The following TFCP2 variants were observed in gnomAD, a reference collection of about 807,000 sequenced individuals.
TFCP2 encodes the protein alpha-globin transcription factor CP2.
Under a neutral mutation model 73.4 loss-of-function variants are expected in TFCP2, and 33 were observed. The observed-to-expected ratio is 0.45, with a 90% confidence interval of 0.34 to 0.60. The LOEUF (loss-of-function observed/expected upper bound fraction) is 0.60. Among genes scored for constraint, TFCP2 ranks in the 20% least tolerant of loss-of-function variants. TFCP2 has a pLI of 0.01. For missense variants in TFCP2, 352 were observed against 604.0 expected, an observed-to-expected ratio of 0.58 and a Z score of 4.37; for synonymous variants, 193 against 211.6, an observed-to-expected ratio of 0.91 and a Z score of 0.76.
chr12:51,117,644 T>C (rs1273430299), intron 3 of TFCP2, 27 bp downstream of exon 3: 2 of 1,563,580 alleles, frequency 1.3e-6, no homozygotes, highest in African/African-American at 2.7e-5. Flanking sequence ...AAAAATATTG[T>C]ACAGAAGAAT....
chr12:51,164,596 C>T (rs80030162), intron 1 of TFCP2, among the ~76,000 whole-genome samples: 14 of 96,862 alleles, frequency 1.4e-4, no homozygotes, highest in Admixed American at 8.2e-4. Flanking sequence ...GACTCCATCT[C>T]GAAAAAAAAA....
At chr12:51,147,426 A>G (rs1332208787) in intron 1 of TFCP2, among the ~76,000 whole-genome samples, 1 of 152,124 alleles carries the variant, frequency 6.6e-6, no homozygotes, top group Non-Finnish European at 1.5e-5. Flanking sequence ...TCCCAAGTTT[A>G]TTCTGTTAGG....
intron 8 of TFCP2, among the ~76,000 whole-genome samples, chr12:51,105,273 T>C (rs1940204667): frequency 2.0e-5 from 3 of 152,006 alleles, no homozygotes; most frequent in Admixed American, 6.6e-5. Flanking sequence ...TTTTTATTTT[T>C]AGTAGAGACG....
chr12:51,125,224 C>T, intron 1 of TFCP2: 1 of 615,412 alleles, frequency 1.6e-6, no homozygotes, highest in Non-Finnish European at 3.1e-6. Flanking sequence ...TAATTGGTTT[C>T]TGTACCCATG....
chr12:51,156,487 C>T (rs1941540079), intron 1 of TFCP2, among the ~76,000 whole-genome samples: 4 of 152,166 alleles, frequency 2.6e-5, no homozygotes, highest in Admixed American at 1.3e-4. Context: ...AGGCCCCACC[C>T]ACCTCCAACA....
chr12:51,100,530 A>G (rs1225230951), intron 11 of TFCP2, among the ~76,000 whole-genome samples: 1 of 152,212 alleles, frequency 6.6e-6, no homozygotes, highest in South Asian at 2.1e-4. Flanking sequence ...ACAAAAACAA[A>G]TATGACCAGG....
chr12:51,172,271 AGGTGTAG>A (rs1358509913), intron 1 of TFCP2, 23 bp downstream of exon 1: 1 of 1,611,852 alleles, frequency 6.2e-7, no homozygotes, highest in Non-Finnish European at 8.5e-7. Flanking sequence ...GTTATTCAGA[AGGTGTAG>A]GGTCTGGGAA....
intron 1 of TFCP2, among the ~76,000 whole-genome samples, chr12:51,136,376 T>C (rs1014831206): frequency 1.3e-5 from 2 of 152,022 alleles, no homozygotes; most frequent in Admixed American, 1.3e-4. Flanking sequence ...TAAATTTCTA[T>C]CTCTTCACAG....
chr12:51,131,828 TCTTTC>T (rs1451161340), intron 1 of TFCP2, among the ~76,000 whole-genome samples: 1 of 152,166 alleles, frequency 6.6e-6, no homozygotes, highest in Non-Finnish European at 1.5e-5. Context: ...TTATTTTCCT[TCTTTC>T]CTCTCCTTTT....
At chr12:51,124,012 G>A (rs1940742425) in intron 1 of TFCP2, among the ~76,000 whole-genome samples, 1 of 152,164 alleles carries the variant, frequency 6.6e-6, no homozygotes, top group East Asian at 1.9e-4. Context: ...TCTTCAAACA[G>A]CATGATAATG....
At chr12:51,106,940 C>A in intron 7 of TFCP2, 1 of 521,254 alleles carries the variant, frequency 1.9e-6, no homozygotes, top group African/African-American at 2.0e-5. Flanking sequence ...AAACTGAATT[C>A]TATTTGGGCA....
At chr12:51,118,327 G>C (rs183010449) in intron 2 of TFCP2, among the ~76,000 whole-genome samples, 205 of 152,326 alleles carry the variant, frequency 1.3e-3, no homozygotes, top group Middle Eastern at 6.8e-3. Context: ...GGCCAAGGCA[G>C]GCGGATCATG....
chr12:51,128,493 C>CA (rs869086317), intron 1 of TFCP2, among the ~76,000 whole-genome samples: 3 of 133,666 alleles, frequency 2.2e-5, no homozygotes, highest in African/African-American at 8.7e-5. Context: ...AAAAAAAAAA[C>CA]AAAAAAAACA....
At chr12:51,140,445 C>CTTTTTTTTTTTTT (rs768526922) in intron 1 of TFCP2, among the ~76,000 whole-genome samples, 71 of 88,028 alleles carry the variant, frequency 8.1e-4, no homozygotes, top group Non-Finnish European at 1.1e-3. Context: ...TTTTCTTTTT[C>CTTTTTTTTTTTTT]TTTTTTTTTT....
At position 51,119,421 on chromosome 12, in the gene TFCP2, A is replaced by T. The variant is rs370616788; in HGVS notation, c.123-649T>A. ...GTCAGTAGCAATGTACAATGACATA[A>T]AACAGTTTAGGAAAAGGTTTGGCAG... On this transcript the variant is annotated intron_variant, in intron 1 of 14. Transcript: ENST00000257915. 6.6e-5 allele frequency among the ~76,000 whole-genome samples: 10 copies of T among 152,240 alleles called. No homozygotes were observed. In the East Asian group the frequency reaches 7.7e-4, roughly 12 times the overall value.
At chr12:51,101,130 T>C (rs898413442) in intron 11 of TFCP2, among the ~76,000 whole-genome samples, 1 of 151,946 alleles carries the variant, frequency 6.6e-6, no homozygotes, top group Non-Finnish European at 1.5e-5. Flanking sequence ...GGTGAAACCC[T>C]GTCTCTACTA....
chr12:51,099,559 C>G, intron 12 of TFCP2, 96 bp downstream of exon 12: 1 of 1,453,952 alleles, frequency 6.9e-7, no homozygotes, highest in Non-Finnish European at 9.5e-7. Flanking sequence ...CTAGCAAATA[C>G]TAAATCTGCT....
At chr12:51,096,688 T>C (rs1236121595) in intron 13 of TFCP2, among the ~76,000 whole-genome samples, 1 of 152,232 alleles carries the variant, frequency 6.6e-6, no homozygotes, top group African/African-American at 2.4e-5. Flanking sequence ...AATATCACTA[T>C]GTAATTTCTG....
intron 4 of TFCP2, among the ~76,000 whole-genome samples, chr12:51,114,699 C>G (rs1024297623): frequency 2.0e-5 from 3 of 151,882 alleles, no homozygotes; most frequent in African/African-American, 7.3e-5. Flanking sequence ...TCACTTATCA[C>G]CAGGGAAATG....
Sources: allele counts gnomAD v4.1 joint callset (sites outside exome capture counted in the v4.1 genomes callset), GRCh38; gene constraint gnomAD v4.1.1; transcripts MANE v1.5; gene names NCBI Gene and HGNC (gene_info 2026-07-23, HGNC 2026-07-21).